The following PPFIA2 variants were observed in gnomAD, a reference collection of about 807,000 sequenced individuals.
PPFIA2 encodes liprin-alpha-2.
PPFIA2 carries 46 observed loss-of-function variants against 175.5 expected under a neutral mutation model. The observed-to-expected ratio is 0.26, with a 90% CI of 0.21 to 0.34. PPFIA2 has a LOEUF of 0.34. Ranked by LOEUF, PPFIA2 falls within the 10% of genes least tolerant of loss-of-function variation. The pLI is 1.00. For missense variants in PPFIA2, 1,179 were observed against 1,506.1 expected (o/e 0.78, Z 3.60); for synonymous variants, 568 against 511.4 (o/e 1.11, Z -1.49).
At chr12:81,672,628 T>C (rs2071642570) in intron 4 of PPFIA2, among the ~76,000 whole-genome samples, 1 of 152,030 alleles carries the variant, frequency 6.6e-6, no homozygotes, top group Non-Finnish European at 1.5e-5. Context: ...AAACTAAACT[T>C]AGAACATTTA....
intron 2 of PPFIA2, among the ~76,000 whole-genome samples, chr12:81,756,119 G>C (rs547078380): frequency 6.6e-6 from 1 of 152,242 alleles, no homozygotes; most frequent in African/African-American, 2.4e-5. Context: ...GAGCCGCTAT[G>C]TCATTCTGAG....
chr12:81,377,369 G>A (rs61262116), intron 9 of PPFIA2, among the ~76,000 whole-genome samples: 34,566 of 151,872 alleles, frequency 0.23, 5,240 homozygotes, highest in East Asian at 0.46. Context: ...GGCTAACATG[G>A]TGAAATCCCG....
At chr12:81,573,943 G>A (rs1001966695) in intron 4 of PPFIA2, among the ~76,000 whole-genome samples, 2 of 151,824 alleles carry the variant, frequency 1.3e-5, no homozygotes, top group Non-Finnish European at 2.9e-5. Context: ...CTCTATGCTG[G>A]AAACACTCAA....
intron 14 of PPFIA2, among the ~76,000 whole-genome samples, chr12:81,363,225 C>A (rs2031658667): frequency 6.6e-6 from 1 of 151,364 alleles, no homozygotes; most frequent in South Asian, 2.1e-4. Flanking sequence ...AGTAAACCCT[C>A]TGGCTTTTAC....
At chr12:81,268,814 GTGTT>G (rs1471297548) in intron 28 of PPFIA2, among the ~76,000 whole-genome samples, 1 of 152,132 alleles carries the variant, frequency 6.6e-6, no homozygotes, top group Non-Finnish European at 1.5e-5. Flanking sequence ...TTCATCAGAA[GTGTT>G]TGTTAACCAC....
At chr12:81,408,128 A>T (rs1196546426) in intron 7 of PPFIA2, among the ~76,000 whole-genome samples, 1 of 152,190 alleles carries the variant, frequency 6.6e-6, no homozygotes, top group African/African-American at 2.4e-5. Context: ...GTGTAAAAAA[A>T]ACTTCAGAAA....
chr12:81,323,264 G>C (rs551364043), intron 22 of PPFIA2, among the ~76,000 whole-genome samples: 2 of 151,952 alleles, frequency 1.3e-5, no homozygotes, highest in Non-Finnish European at 2.9e-5. Flanking sequence ...ATGAATCTCT[G>C]CTATGAATTA....
chr12:81,299,480 C>T (rs1302708093), intron 22 of PPFIA2, 98 bp from the exon 23 acceptor site: 1 of 1,435,504 alleles, frequency 7.0e-7, no homozygotes, highest in Non-Finnish European at 9.3e-7. Context: ...TCATCCTTTA[C>T]AAGATTTTTT....
chr12:81,488,771 T>C (rs1172435186), intron 4 of PPFIA2, among the ~76,000 whole-genome samples: 1 of 151,776 alleles, frequency 6.6e-6, no homozygotes, highest in Non-Finnish European at 1.5e-5. Flanking sequence ...TATATATTTA[T>C]GGGGCTATAA....
Position 81,749,471 on chromosome 12 carries a change from T to A in PPFIA2, c.249+4502A>T, listed in dbSNP as rs1296221886. On this transcript the variant is annotated intron_variant, in intron 3 of 32. Transcript: ENST00000549396. Reference sequence around the variant, plus strand: ...AAAACAAATTTTAAACTTCTACATATGACATTTTGCAACAGGAAGCACATT... The same window carrying A: ...AAAACAAATTTTAAACTTCTACATAAGACATTTTGCAACAGGAAGCACATT... Among the ~76,000 whole-genome samples the A allele has an allele frequency of 2.1e-5, 3 of 143,868 alleles. No homozygotes were observed. The South Asian group carries it at 6.8e-4, about 32-fold the overall frequency. The allele number at this position is 143,868 out of a possible 152,430, so 94.4% of individuals were successfully genotyped here. A position where few individuals can be genotyped will look rare whatever the true frequency, so the allele number is the denominator to read the frequency against.
intron 4 of PPFIA2, among the ~76,000 whole-genome samples, chr12:81,527,591 C>G (rs908939534): frequency 2.4e-4 from 37 of 152,108 alleles, no homozygotes; most frequent in African/African-American, 8.7e-4. Flanking sequence ...AGCCTTTCCT[C>G]ATACCTTCGG....
At chr12:81,472,291 C>A (rs2056859957) in intron 4 of PPFIA2, among the ~76,000 whole-genome samples, 1 of 152,050 alleles carries the variant, frequency 6.6e-6, no homozygotes, top group South Asian at 2.1e-4. Context: ...GATGAGGATG[C>A]ACAATTTTGC....
intron 28 of PPFIA2, among the ~76,000 whole-genome samples, chr12:81,275,787 T>TC (rs1223196404): frequency 6.6e-6 from 1 of 151,296 alleles, no homozygotes; most frequent in Non-Finnish European, 1.5e-5. Flanking sequence ...TTCTTTTTTT[T>TC]TTTTTTTCTT....
intron 4 of PPFIA2, chr12:81,545,363 G>A (rs957416063): frequency 6.6e-6 from 1 of 152,090 alleles, no homozygotes; most frequent in African/African-American, 2.4e-5. Flanking sequence ...GGCAGTTGTT[G>A]TTCTCGGGTC....
chr12:81,641,975 A>G (rs1254436879), intron 4 of PPFIA2, among the ~76,000 whole-genome samples: 1 of 152,112 alleles, frequency 6.6e-6, no homozygotes, highest in Non-Finnish European at 1.5e-5. Context: ...TCTTGCATTC[A>G]TGTGTTACTG....
intron 4 of PPFIA2, among the ~76,000 whole-genome samples, chr12:81,669,179 A>T (rs1467492384): frequency 6.6e-6 from 1 of 152,012 alleles, no homozygotes; most frequent in Non-Finnish European, 1.5e-5. Context: ...TTTCCCTACC[A>T]TAAAATTCTA....
At chr12:81,615,247 T>A (rs746442554) in intron 4 of PPFIA2, among the ~76,000 whole-genome samples, 1 of 152,088 alleles carries the variant, frequency 6.6e-6, no homozygotes, top group African/African-American at 2.4e-5. Flanking sequence ...ATAACTGAGA[T>A]GGGGAAGGCT....
At chr12:81,615,525 A>C (rs937315340) in intron 4 of PPFIA2, among the ~76,000 whole-genome samples, 1 of 152,206 alleles carries the variant, frequency 6.6e-6, no homozygotes, top group African/African-American at 2.4e-5. Context: ...AATCTGTAGG[A>C]GCAATTGCTA....
intron 4 of PPFIA2, among the ~76,000 whole-genome samples, chr12:81,656,422 G>C (rs1377021130): frequency 6.6e-6 from 1 of 152,000 alleles, no homozygotes; most frequent in Non-Finnish European, 1.5e-5. Context: ...TTTCTGAATA[G>C]GTGTATGCGG....
Sources: allele counts gnomAD v4.1 joint callset (sites outside exome capture counted in the v4.1 genomes callset), GRCh38; gene constraint gnomAD v4.1.1; transcripts MANE v1.5; gene names NCBI Gene and HGNC (gene_info 2026-07-23, HGNC 2026-07-21).